Variants in MED13L observed in about 807,000 individuals in gnomAD.
The protein encoded by MED13L is mediator of RNA polymerase II transcription subunit 13-like.
A neutral mutation model predicts 220.9 loss-of-function variants in MED13L; 7 were observed. That is an observed-to-expected ratio of 0.03 (90% CI 0.02 to 0.06). The LOEUF (loss-of-function observed/expected upper bound fraction) is 0.06, where lower values mean the gene tolerates loss of function less well. Ranked by LOEUF, MED13L falls within the 10% of genes least tolerant of loss-of-function variation. MED13L has a pLI of 1.00. For synonymous variants in MED13L, 1,011 were observed against 1,015.2 expected (o/e 1.00, Z 0.08); for missense variants, 1,965 against 2,760.5 (o/e 0.71, Z 6.46).
chr12:116,268,631 C>CAA (rs758154779), intron 1 of MED13L, among the ~76,000 whole-genome samples: 40 of 120,312 alleles, frequency 3.3e-4, no homozygotes, highest in African/African-American at 1.1e-3. Flanking sequence ...CTCCTCCCAG[C>CAA]AAAAAAAAAA....
chr12:116,218,053 C>CT (rs995250456), intron 2 of MED13L, among the ~76,000 whole-genome samples: 26 of 152,172 alleles, frequency 1.7e-4, no homozygotes, highest in African/African-American at 6.0e-4. Flanking sequence ...TCCCCTCCTC[C>CT]TCCAAGTATA....
rs149578923 is a variant in MED13L at position 115,991,662 on chromosome 12, C to T, written c.3292G>A (p.Ala1098Thr). 1.7e-5 allele frequency: 27 copies of T among 1,613,796 alleles called. No homozygotes were observed. Among genetic ancestry groups the T allele is most frequent in the South Asian group, 2.2e-5 (2 of 91,070 alleles). Residue 1098 changes from alanine to threonine, a missense_variant, in exon 17 of 31, where the codon GCC becomes ACC. Physicochemically the swap from Ala to Thr is moderately conservative, Grantham distance 58. Around this residue, in one of 10 missense-constraint regions of MED13L, gnomAD observed 233 missense variants for 306.2 expected, o/e 0.76. Coordinates refer to ENST00000281928, the MANE Select transcript of MED13L (RefSeq NM_015335.5). This position sits in a 1 kb window ranked among gnomAD's most constrained non-coding sequence, Gnocchi z 7.7. ...TTRPLNSVEP[A>T]TMQPIPEAHS... The stretch of plus-strand genomic sequence containing the variant: ...GCTTCGGGAATTGGCTGCATGGTGG[C>T]GGGCTCCACAGAGTTGAGGGGCCGT...
At chr12:115,990,957 G>A (rs1159830401) in intron 17 of MED13L, 63 bp downstream of exon 17, 7 of 1,555,254 alleles carry the variant, frequency 4.5e-6, no homozygotes, top group African/African-American at 1.4e-5. Context: ...AGTAAAGAAA[G>A]CTTTTAAGTT....
At chr12:116,093,785 G>C (rs1872442732) in intron 4 of MED13L, among the ~76,000 whole-genome samples, 1 of 151,954 alleles carries the variant, frequency 6.6e-6, no homozygotes, top group Non-Finnish European at 1.5e-5. Flanking sequence ...CATTTAATTT[G>C]TTTAGCACTG....
In MED13L at chr12:116,165,091, C is replaced by G. The variant is rs1879151381; in HGVS notation, c.311-53579G>C. Among the ~76,000 whole-genome samples, 3 of 152,148 alleles carry G rather than the reference C, an allele frequency of 2.0e-5. No individual in the cohort carries two copies. In the South Asian group the frequency reaches 6.2e-4, roughly 32 times the overall value. ...TATGAGTCAGTATTAATCATCCAAACAAGTACAGCAGTCTTCAGCACTAGT... is the reference window on the plus strand; with the variant it reads ...TATGAGTCAGTATTAATCATCCAAAGAAGTACAGCAGTCTTCAGCACTAGT... On this transcript the variant is annotated intron_variant, in intron 2 of 30. Coordinates refer to ENST00000281928, the MANE Select transcript of MED13L (RefSeq NM_015335.5).
intron 4 of MED13L, among the ~76,000 whole-genome samples, chr12:116,042,969 G>C (rs1312684232): frequency 6.6e-6 from 1 of 152,146 alleles, no homozygotes; most frequent in African/African-American, 2.4e-5. Context: ...ACTGTTAGCC[G>C]ATGTTCATGT....
At chr12:116,031,758 A>AG (rs1566020916) in intron 4 of MED13L, among the ~76,000 whole-genome samples, 1,061 of 103,040 alleles carry the variant, frequency 0.01, 125 homozygotes, top group East Asian at 0.02. Context: ...AAGAAAAGAA[A>AG]AGAAGGAAGG....
chr12:116,049,692 C>T lies in MED13L; in HGVS notation c.480-27091G>A, dbSNP rs77629966. Among the ~76,000 whole-genome samples, 82 of 152,270 alleles carry T rather than the reference C, an allele frequency of 5.4e-4. 1 individual carries two copies. The East Asian group carries it at 0.016, about 29-fold the overall frequency. On this transcript the variant is annotated intron_variant, in intron 4 of 30. Coordinates refer to ENST00000281928, the MANE Select transcript of MED13L (RefSeq NM_015335.5). Reference sequence around the variant, plus strand: ...AGCCTAAAAATATAACATGCATGGACATTTTATCTTGCCCAAAATATTCAA... The same window carrying T: ...AGCCTAAAAATATAACATGCATGGATATTTTATCTTGCCCAAAATATTCAA...
At chr12:116,002,406 G>A (rs1878800692) in intron 14 of MED13L, among the ~76,000 whole-genome samples, 1 of 152,124 alleles carries the variant, frequency 6.6e-6, no homozygotes. Context: ...ATGGAATTAT[G>A]TTTCTGCTTC....
chr12:116,102,710 C>CTTTTTTTT lies in MED13L; in HGVS notation c.396-5966_396-5959dup, dbSNP rs869201518. Reference sequence around the variant, plus strand: ...TATTTTCTTTTTCTTTTTCTTTTTTCTTTTTTTTTTTTTTTTTTTTTTTTT... The same window carrying CTTTTTTTT: ...TATTTTCTTTTTCTTTTTCTTTTTTCTTTTTTTTTTTTTTTTTTTTTTTTTTTTTTTTT... On this transcript the variant is annotated intron_variant, in intron 3 of 30. Coordinates refer to ENST00000281928, the MANE Select transcript of MED13L (RefSeq NM_015335.5). 8.1e-3 allele frequency among the ~76,000 whole-genome samples: 557 copies of CTTTTTTTT among 68,622 alleles called. 6 individuals carry two copies. The highest frequency in any genetic ancestry group is 0.022 in the East Asian group (42 of 1,936). 45.0% of individuals were successfully genotyped at this position (68,622 alleles called of 152,430 possible).
chr12:116,041,986 TG>T (rs767736891), intron 4 of MED13L, among the ~76,000 whole-genome samples: 16 of 152,234 alleles, frequency 1.1e-4, no homozygotes, highest in Non-Finnish European at 2.2e-4. Context: ...AATTTTTCAG[TG>T]CACAGGTTAT....
At chr12:116,062,619 C>G (rs1284076502) in intron 4 of MED13L, among the ~76,000 whole-genome samples, 4 of 151,850 alleles carry the variant, frequency 2.6e-5, no homozygotes. Context: ...TCCTGAGTAG[C>G]TGGCACTATA....
intron 2 of MED13L, among the ~76,000 whole-genome samples, chr12:116,170,231 C>A (rs905718420): frequency 6.6e-6 from 1 of 152,144 alleles, no homozygotes; most frequent in South Asian, 2.1e-4. Context: ...GCAGAAAGAT[C>A]TTTAAGTACT....
chr12:116,275,728 A>G (rs973884290), intron 1 of MED13L, among the ~76,000 whole-genome samples: 3 of 152,216 alleles, frequency 2.0e-5, no homozygotes, highest in Non-Finnish European at 4.4e-5. Flanking sequence ...TGCTCTCCAA[A>G]AGGGACTCAC....
chr12:116,089,779 T>C (rs1396407354), intron 4 of MED13L, among the ~76,000 whole-genome samples: 1 of 152,220 alleles, frequency 6.6e-6, no homozygotes, highest in Non-Finnish European at 1.5e-5. Flanking sequence ...AAGTCTGTTT[T>C]TAACTTGCCA....
At chr12:116,041,131 G>T (rs538847430) in intron 4 of MED13L, among the ~76,000 whole-genome samples, 1 of 152,136 alleles carries the variant, frequency 6.6e-6, no homozygotes, top group South Asian at 2.1e-4. Flanking sequence ...ATCTCATCTC[G>T]AATTGTAATC....
At chr12:116,211,086 G>A (rs1433554566) in intron 2 of MED13L, among the ~76,000 whole-genome samples, 5 of 152,118 alleles carry the variant, frequency 3.3e-5, no homozygotes, top group East Asian at 3.9e-4. Context: ...TAATTATGCC[G>A]CTAGCCAGAA....
chr12:116,053,936 A>G (rs1390397811), intron 4 of MED13L, among the ~76,000 whole-genome samples: 3 of 152,182 alleles, frequency 2.0e-5, no homozygotes, highest in Non-Finnish European at 2.9e-5. Context: ...CCCCAGGGTC[A>G]CAGAGGCAAA....
intron 1 of MED13L, among the ~76,000 whole-genome samples, chr12:116,243,435 C>G (rs1381082238): frequency 6.6e-6 from 1 of 152,138 alleles, no homozygotes; most frequent in Non-Finnish European, 1.5e-5. Flanking sequence ...CCTAAACAAA[C>G]AGCTACTACA....
Sources: gnomAD v4.1 joint callset for allele counts (sites outside exome capture counted in the v4.1 genomes callset) on GRCh38, gnomAD v4.1.1 for gene constraint, gnomAD v4.1.1 regional missense constraint, Gnocchi (gnomAD v3.1) non-coding constraint, MANE v1.5 for transcripts, NCBI Gene and HGNC (gene_info 2026-07-23, HGNC 2026-07-21) for gene names.